Variants in SVIL observed in about 807,000 individuals in gnomAD.
SVIL encodes archvillin.
In SVIL, 101 loss-of-function variants were observed where a neutral mutation model predicts 240.4. The observed-to-expected ratio is 0.42, with a 90% CI of 0.36 to 0.50. The LOEUF (loss-of-function observed/expected upper bound fraction) is 0.50, where lower values mean the gene tolerates loss of function less well. SVIL is among the 20% of genes least tolerant of loss of function. SVIL has a pLI of 0.01. For synonymous variants in SVIL, 999 were observed against 1,100.0 expected (o/e 0.91, Z 1.82); for missense variants, 2,512 against 2,818.7 (o/e 0.89, Z 2.46).
intron 1 of SVIL, among the ~76,000 whole-genome samples, chr10:29,719,105 C>G (rs1005208503): frequency 6.6e-6 from 1 of 152,076 alleles, no homozygotes; most frequent in Non-Finnish European, 1.5e-5. Flanking sequence ...GTGACTCTGT[C>G]TCAAAACAAA....
chr10:29,725,028 C>CAAAAAAAAAAAAAAA (rs1187861054), intron 1 of SVIL, among the ~76,000 whole-genome samples: 3 of 40,942 alleles, frequency 7.3e-5, no homozygotes, highest in East Asian at 9.9e-4. Flanking sequence ...GACCCGGTCT[C>CAAAAAAAAAAAAAAA]AAAAAAAAAA....
intron 3 of SVIL, among the ~76,000 whole-genome samples, chr10:29,653,246 T>A (rs376779351): frequency 2.0e-5 from 3 of 152,144 alleles, no homozygotes; most frequent in African/African-American, 7.2e-5. Context: ...TCCCCCTTGC[T>A]GTTCTTGTGA....
rs757647403 is a variant in SVIL, at chr10:29,499,273, A to T, written c.3517-10T>A. On this transcript the variant is annotated splice_polypyrimidine_tract_variant and intron_variant, in intron 17 of 37. Transcript: ENST00000355867. ...GACTTTCTGTGACCCGCTGTTCATAAATGTACAGAAGAGAAAACAGGAGAG... is the reference window on the plus strand; with the variant it reads ...GACTTTCTGTGACCCGCTGTTCATATATGTACAGAAGAGAAAACAGGAGAG... The T allele has an allele frequency of 6.2e-7, 1 of 1,614,216 alleles. No individual in the cohort carries two copies. The highest frequency in any genetic ancestry group is 8.5e-7 in the Non-Finnish European group (1 of 1,180,026).
At chr10:29,547,950 G>A (rs985936910) in intron 6 of SVIL, among the ~76,000 whole-genome samples, 1 of 152,156 alleles carries the variant, frequency 6.6e-6, no homozygotes, top group Non-Finnish European at 1.5e-5. Flanking sequence ...AACCAAGAAC[G>A]TGGTTTCTAC....
Position 29,664,581 on chromosome 10 carries a change from G to C in SVIL, c.-300-6513C>G, listed in dbSNP as rs375795565. Among the ~76,000 whole-genome samples, 23 of 152,038 alleles carry C rather than the reference G, an allele frequency of 1.5e-4. No homozygotes were observed. In the East Asian group the frequency reaches 1.5e-3, roughly 10 times the overall value. ...AGGAATAACAATAATAATAACTGTT[G>C]TTATTTGAACATTTGTAAAAAGTAA... On this transcript the variant is annotated intron_variant, in intron 2 of 35. Coordinates refer to the SVIL transcript ENST00000375400.
In SVIL at chr10:29,523,830, C is replaced by A. The variant is rs547572470; in HGVS notation, c.2784G>T (p.Ser928=). 6.2e-7 allele frequency: 1 copy of A among 1,614,152 alleles called. No homozygotes were observed. Among genetic ancestry groups the A allele is most frequent in the South Asian group, 1.1e-5 (1 of 91,084 alleles). The change falls in exon 15 of 38, where the codon TCG becomes TCT. Residue 928 remains serine (S), a synonymous_variant. Coordinates refer to ENST00000355867, the MANE Select transcript of SVIL (RefSeq NM_021738.3). ...SDSPVRSILK[S]QAWQPLVEGS... is the part of the protein sequence containing the mutation. ...CCTCTACCAAAGGCTGCCAAGCTTG[C>A]GATTTCAGAATGCTTCTAACTGGAG...
At chr10:29,676,974 C>A (rs1960251936) in intron 2 of SVIL, among the ~76,000 whole-genome samples, 1 of 152,132 alleles carries the variant, frequency 6.6e-6, no homozygotes, top group Non-Finnish European at 1.5e-5. Flanking sequence ...TACTTACGGA[C>A]ATTTCTAAAT....
chr10:29,664,880 T>C (rs974033342), intron 2 of SVIL, among the ~76,000 whole-genome samples: 2 of 152,172 alleles, frequency 1.3e-5, no homozygotes, highest in African/African-American at 4.8e-5. Flanking sequence ...TTGCAAATCA[T>C]ACAATCATAT....
Position 29,522,621 on chromosome 10 carries a change from C to G in SVIL, c.3178G>C (p.Glu1060Gln), listed in dbSNP as rs928295845. Residue 1060 changes from glutamate to glutamine, a missense_variant, in exon 16 of 38, where the codon GAG (glutamate) becomes CAG (glutamine). Glu to Gln is a conservative substitution (Grantham distance 29, BLOSUM62 2). Coordinates refer to ENST00000355867, the MANE Select transcript of SVIL (RefSeq NM_021738.3). Reference sequence around the variant, plus strand: ...GTCCCCGTCTGCTCGGAAGTGGGCTCCCCGAACTCTGCCGCTGGGAAGGAA... The same window carrying G: ...GTCCCCGTCTGCTCGGAAGTGGGCTGCCCGAACTCTGCCGCTGGGAAGGAA... The part of the protein sequence containing the change: ...KFSLRAAEFG[E>Q]PTSEQTGTAA... 4.3e-6 allele frequency: 7 copies of G among 1,613,944 alleles called. No individual in the cohort carries two copies. In the African/African-American group the frequency reaches 8.0e-5, roughly 18 times the overall value.
exon 3 of SVIL, chr10:29,658,052 A>G (rs920418183): frequency 6.6e-6 from 1 of 152,240 alleles, no homozygotes; most frequent in Non-Finnish European, 1.5e-5. Flanking sequence ...CCTCAAGGCC[A>G]TCCACTTGAA....
At chr10:29,590,608 G>T (rs1249009076) in intron 1 of SVIL, among the ~76,000 whole-genome samples, 2 of 152,168 alleles carry the variant, frequency 1.3e-5, no homozygotes, top group Non-Finnish European at 2.9e-5. Context: ...AATGATGAAA[G>T]ATTCAGTCAT....
chr10:29,600,065 G>A (rs1451074859), intron 1 of SVIL, among the ~76,000 whole-genome samples: 7 of 151,654 alleles, frequency 4.6e-5, no homozygotes, highest in South Asian at 2.1e-4. Context: ...TTAAGAGATA[G>A]GGTCTCACTC....
rs147177967 is a variant in SVIL, at chr10:29,529,730, T to G, written c.2221A>C (p.Thr741Pro). The G allele has an allele frequency of 2.8e-4, 447 of 1,612,770 alleles. No homozygotes were observed. Among genetic ancestry groups the G allele is most frequent in the Non-Finnish European group, 3.6e-4 (422 of 1,179,488 alleles). Residue 741 changes from threonine (T) to proline (P), a missense_variant, in exon 12 of 38, where the codon ACT becomes CCT. This residue lies in a region of SVIL where 1,443 missense variants were observed against 1,486.6 expected (regional missense o/e 0.97). Transcript: ENST00000355867. ...QDRSLTQPITTEEVVIAATEP... is the reference protein window; with the variant it reads ...QDRSLTQPITPEEVVIAATEP... ...GTGGCTGCGATGACCACCTCTTCAG[T>G]GGTGATGGGCTGGGTGAGGGACCTG...
intron 17 of SVIL, among the ~76,000 whole-genome samples, chr10:29,504,490 C>T (rs1949123367): frequency 6.6e-6 from 1 of 152,084 alleles, no homozygotes; most frequent in South Asian, 2.1e-4. Flanking sequence ...TAAAACTCAA[C>T]AATATGAAAA....
intron 6 of SVIL, among the ~76,000 whole-genome samples, chr10:29,537,535 C>G (rs1451965821): frequency 6.6e-6 from 1 of 152,172 alleles, no homozygotes; most frequent in African/African-American, 2.4e-5. Flanking sequence ...TGCCCTGTCT[C>G]CTCTTACAAT....
At chr10:29,515,122 A>G (rs1462101214) in intron 16 of SVIL, among the ~76,000 whole-genome samples, 1 of 152,200 alleles carries the variant, frequency 6.6e-6, no homozygotes, top group East Asian at 1.9e-4. Context: ...GTGGCAGCAG[A>G]TAAGATCTCA....
At chr10:29,560,066 C>A (rs1954315312) in intron 3 of SVIL, among the ~76,000 whole-genome samples, 1 of 152,130 alleles carries the variant, frequency 6.6e-6, no homozygotes, top group Non-Finnish European at 1.5e-5. Flanking sequence ...AGGGGTACTG[C>A]CAAGAACACT....
At chr10:29,691,524 A>C (rs1393866983) in intron 1 of SVIL, among the ~76,000 whole-genome samples, 1 of 152,130 alleles carries the variant, frequency 6.6e-6, no homozygotes, top group East Asian at 1.9e-4. Flanking sequence ...ATAATGAATA[A>C]TTTTTAAAGA....
At chr10:29,539,118 T>C (rs1951950258) in intron 6 of SVIL, among the ~76,000 whole-genome samples, 1 of 151,994 alleles carries the variant, frequency 6.6e-6, no homozygotes, top group Admixed American at 6.6e-5. Flanking sequence ...TGAGCTATGA[T>C]TGCACCACTG....
Sources: gnomAD v4.1 joint callset for allele counts (sites outside exome capture counted in the v4.1 genomes callset) on GRCh38, gnomAD v4.1.1 for gene constraint, gnomAD v4.1.1 regional missense constraint, MANE v1.5 for transcripts, NCBI Gene and HGNC (gene_info 2026-07-23, HGNC 2026-07-21) for gene names.